The following GPC5 variants were observed in gnomAD, a reference collection of about 807,000 sequenced individuals.
GPC5 encodes glypican-5.
Under a neutral mutation model 53.9 loss-of-function variants are expected in GPC5, and 47 were observed. The ratio of observed to expected loss-of-function variants is 0.87; its 90% confidence interval spans 0.69 to 1.11. The LOEUF is 1.11. GPC5 is among the 50% of genes most tolerant of loss of function. GPC5 has a pLI of 0.00. For synonymous variants in GPC5, 286 were observed against 263.3 expected, an observed-to-expected ratio of 1.09 and a Z score of -0.84; for missense variants, 748 against 713.1, an observed-to-expected ratio of 1.05 and a Z score of -0.56.
At chr13:92,007,488 C>T (rs1234478919) in intron 6 of GPC5, among the ~76,000 whole-genome samples, 2 of 152,132 alleles carry the variant, frequency 1.3e-5, no homozygotes, top group East Asian at 1.9e-4. Flanking sequence ...CTTTATTCCA[C>T]ATAATAATAT....
At chr13:91,972,002 T>A (rs2040246977) in intron 6 of GPC5, among the ~76,000 whole-genome samples, 1 of 152,150 alleles carries the variant, frequency 6.6e-6, no homozygotes, top group Non-Finnish European at 1.5e-5. Context: ...CAGAGCTGAG[T>A]TCAGTTCCTG....
At chr13:92,334,600 G>A (rs1288847689) in intron 7 of GPC5, among the ~76,000 whole-genome samples, 1 of 152,022 alleles carries the variant, frequency 6.6e-6, no homozygotes, top group South Asian at 2.1e-4. Context: ...CAAGTCCAAA[G>A]CCTCATCTGA....
At chr13:91,588,438 A>C (rs183331110) in intron 2 of GPC5, among the ~76,000 whole-genome samples, 2 of 152,122 alleles carry the variant, frequency 1.3e-5, no homozygotes, top group African/African-American at 4.8e-5. Context: ...CTCATTTTGC[A>C]TTGCTGAGTA....
chr13:91,995,160 G>C (rs1438313632), intron 6 of GPC5: 2 of 151,836 alleles, frequency 1.3e-5, no homozygotes, highest in Non-Finnish European at 2.9e-5. Context: ...TTTTAGTAGA[G>C]ACGGGGTTTC....
At chr13:92,371,774 G>A (rs1458503313) in intron 7 of GPC5, among the ~76,000 whole-genome samples, 1 of 152,086 alleles carries the variant, frequency 6.6e-6, no homozygotes, top group African/African-American at 2.4e-5. Flanking sequence ...ACTTACACTT[G>A]GTCTCTCCCT....
intron 5 of GPC5, among the ~76,000 whole-genome samples, chr13:91,792,496 G>T (rs1006155699): frequency 1.3e-5 from 2 of 152,176 alleles, no homozygotes; most frequent in African/African-American, 4.8e-5. Flanking sequence ...ATAATAGAGT[G>T]ACCACTCTGA....
intron 7 of GPC5, among the ~76,000 whole-genome samples, chr13:92,535,303 A>G (rs1340944936): frequency 1.3e-5 from 2 of 152,052 alleles, no homozygotes; most frequent in Non-Finnish European, 2.9e-5. Context: ...CCAAAACACC[A>G]AGGGTTCCGT....
intron 7 of GPC5, among the ~76,000 whole-genome samples, chr13:92,667,966 C>T (rs978227475): frequency 4.6e-5 from 7 of 152,038 alleles, no homozygotes; most frequent in Non-Finnish European, 7.4e-5. Flanking sequence ...CCTATGAATC[C>T]TAGACACACT....
chr13:91,544,982 C>T (rs1470869046), intron 2 of GPC5, among the ~76,000 whole-genome samples: 1 of 152,174 alleles, frequency 6.6e-6, no homozygotes, highest in Non-Finnish European at 1.5e-5. Context: ...CACAGGAGGC[C>T]TCAATTCCTT....
intron 7 of GPC5, among the ~76,000 whole-genome samples, chr13:92,861,303 G>T (rs1566449393): frequency 6.6e-6 from 1 of 152,080 alleles, no homozygotes; most frequent in African/African-American, 2.4e-5. Flanking sequence ...CTGCATAAAA[G>T]TGGAATTATT....
intron 7 of GPC5, among the ~76,000 whole-genome samples, chr13:92,319,935 T>C (rs2043205114): frequency 6.6e-6 from 1 of 152,170 alleles, no homozygotes; most frequent in Non-Finnish European, 1.5e-5. Context: ...TGTCATTGCT[T>C]TGTGTGTATA....
At chr13:92,186,514 G>A (rs1341635003) in intron 7 of GPC5, among the ~76,000 whole-genome samples, 1 of 151,806 alleles carries the variant, frequency 6.6e-6, no homozygotes, top group Non-Finnish European at 1.5e-5. Context: ...AACTAGTATT[G>A]GATATTTTGG....
At chr13:92,310,092 T>A (rs1196407816) in intron 7 of GPC5, among the ~76,000 whole-genome samples, 1 of 152,144 alleles carries the variant, frequency 6.6e-6, no homozygotes, top group Non-Finnish European at 1.5e-5. Flanking sequence ...CCCTTCTTTT[T>A]TAAGGCTGAA....
intron 7 of GPC5, among the ~76,000 whole-genome samples, chr13:92,382,045 A>G (rs1163317116): frequency 6.6e-6 from 1 of 151,240 alleles, no homozygotes; most frequent in Non-Finnish European, 1.5e-5. Context: ...ATAAGAAGGA[A>G]TAAAATAACA....
chr13:92,791,411 G>A (rs1437851826), intron 7 of GPC5, among the ~76,000 whole-genome samples: 1 of 147,902 alleles, frequency 6.8e-6, no homozygotes, highest in Non-Finnish European at 1.5e-5. Flanking sequence ...GTGAGTGTAT[G>A]TGTGTGAGTG....
At chr13:92,073,096 G>T (rs1190387431) in intron 6 of GPC5, among the ~76,000 whole-genome samples, 3 of 152,176 alleles carry the variant, frequency 2.0e-5, no homozygotes, top group Non-Finnish European at 2.9e-5. Context: ...AACTGCTCTA[G>T]ATTTTTAAAA....
chr13:92,851,060 T>C (rs1878782837), intron 7 of GPC5, among the ~76,000 whole-genome samples: 1 of 152,076 alleles, frequency 6.6e-6, no homozygotes, highest in Admixed American at 6.6e-5. Context: ...GAAGCAGGCA[T>C]GTCTTGCATG....
chr13:92,171,181 T>C (rs1747135227), intron 7 of GPC5, among the ~76,000 whole-genome samples: 1 of 152,114 alleles, frequency 6.6e-6, no homozygotes, highest in African/African-American at 2.4e-5. Flanking sequence ...GTAATAGCAG[T>C]GCCCTACCTC....
intron 2 of GPC5, among the ~76,000 whole-genome samples, chr13:91,608,424 T>A (rs965879880): frequency 5.3e-5 from 8 of 152,214 alleles, no homozygotes; most frequent in African/African-American, 1.2e-4. Context: ...TCCAAAATGC[T>A]TGTACCGTGT....
Sources: allele counts gnomAD v4.1 joint callset (sites outside exome capture counted in the v4.1 genomes callset), GRCh38; gene constraint gnomAD v4.1.1; transcripts MANE v1.5; gene names NCBI Gene and HGNC (gene_info 2026-07-23, HGNC 2026-07-21).